The following GLRA3 variants were observed in gnomAD, a reference collection of about 807,000 sequenced individuals.
The protein encoded by GLRA3 is glycine receptor subunit alpha-3.
GLRA3 carries 44 observed loss-of-function variants against 60.4 expected under a neutral mutation model. The ratio of observed to expected loss-of-function variants is 0.73; its 90% CI spans 0.57 to 0.94. The LOEUF (loss-of-function observed/expected upper bound fraction) is 0.94. Among genes scored for constraint, GLRA3 ranks in the 40% least tolerant of loss-of-function variants. The pLI is 0.00. For synonymous variants in GLRA3, 223 were observed against 192.9 expected, an observed-to-expected ratio of 1.16 and a Z score of -1.29; for missense variants, 508 against 564.6, an observed-to-expected ratio of 0.90 and a Z score of 1.02.
intron 1 of GLRA3, among the ~76,000 whole-genome samples, chr4:174,797,840 C>T (rs1028183406): frequency 2.0e-5 from 3 of 151,866 alleles, no homozygotes; most frequent in Non-Finnish European, 2.9e-5. Flanking sequence ...AGGAGAATCA[C>T]CTGATCCCTG....
intron 3 of GLRA3, among the ~76,000 whole-genome samples, chr4:174,743,705 A>T (rs1737116529): frequency 6.6e-6 from 1 of 152,210 alleles, no homozygotes; most frequent in South Asian, 2.1e-4. Context: ...TATTTGCATG[A>T]TATTTTAGGT....
intron 1 of GLRA3, among the ~76,000 whole-genome samples, chr4:174,805,263 T>C (rs930712974): frequency 3.9e-5 from 6 of 152,182 alleles, no homozygotes; most frequent in South Asian, 4.1e-4. Flanking sequence ...CAAATTTTTT[T>C]GCACTCCTCT....
intron 1 of GLRA3, among the ~76,000 whole-genome samples, chr4:174,816,638 T>C (rs1740511125): frequency 4.6e-5 from 7 of 152,064 alleles, no homozygotes; most frequent in Admixed American, 4.6e-4. Context: ...TTTTTTTTTT[T>C]TCTTGGTCAT....
At chr4:174,752,667 C>T (rs113168972) in intron 3 of GLRA3, among the ~76,000 whole-genome samples, 1,838 of 152,110 alleles carry the variant, frequency 0.012, 32 homozygotes, top group African/African-American at 0.041. Context: ...TCTTCCTTAC[C>T]GTAGGAGGAA....
intron 5 of GLRA3, among the ~76,000 whole-genome samples, chr4:174,690,335 C>G (rs1326440703): frequency 6.6e-6 from 1 of 152,184 alleles, no homozygotes; most frequent in African/African-American, 2.4e-5. Flanking sequence ...AATTATGGCT[C>G]AATTCTGAGA....
chr4:174,704,902 C>A lies in GLRA3; in HGVS notation c.574+10586G>T, dbSNP rs547822434. Among the ~76,000 whole-genome samples, 4 of 142,208 alleles carry A rather than the reference C, an allele frequency of 2.8e-5. 1 individual carries two copies. In the East Asian group the frequency reaches 9.3e-4, roughly 33 times the overall value. 93.3% of individuals were successfully genotyped at this position (142,208 alleles called of 152,430 possible). On this transcript the variant is annotated intron_variant, in intron 5 of 9. Transcript: ENST00000274093. The stretch of plus-strand genomic sequence containing the variant: ...TTTAGAGTAGCTAAACTCATATAAG[C>A]AAAATGTGGAATGGTGGTTCTCAGT...
At chr4:174,727,987 A>G (rs1736388741) in intron 4 of GLRA3, among the ~76,000 whole-genome samples, 1 of 152,156 alleles carries the variant, frequency 6.6e-6, no homozygotes, top group African/African-American at 2.4e-5. Flanking sequence ...AGAAAGGATG[A>G]AACTTGAACA....
intron 4 of GLRA3, among the ~76,000 whole-genome samples, chr4:174,717,409 A>G (rs1197657510): frequency 6.6e-6 from 1 of 152,156 alleles, no homozygotes; most frequent in African/African-American, 2.4e-5. Flanking sequence ...AAAAAGAACT[A>G]TTTAAGCTTT....
chr4:174,692,283 C>T (rs1321861991), intron 5 of GLRA3, among the ~76,000 whole-genome samples: 9 of 142,498 alleles, frequency 6.3e-5, no homozygotes, highest in East Asian at 2.0e-4. Context: ...GTCAGCACCC[C>T]ACCCGGCCAG....
intron 5 of GLRA3, among the ~76,000 whole-genome samples, chr4:174,711,139 G>T (rs1735704192): frequency 6.6e-6 from 1 of 151,554 alleles, no homozygotes; most frequent in African/African-American, 2.4e-5. Flanking sequence ...ATTGTTATTG[G>T]TTTCTAATTT....
At chr4:174,693,172 C>T (rs1449423300) in intron 5 of GLRA3, among the ~76,000 whole-genome samples, 1 of 152,108 alleles carries the variant, frequency 6.6e-6, no homozygotes, top group Non-Finnish European at 1.5e-5. Context: ...TTAGATCCCA[C>T]TTGTTGATTT....
intron 3 of GLRA3, among the ~76,000 whole-genome samples, chr4:174,751,603 C>T (rs1737486326): frequency 1.3e-5 from 2 of 152,076 alleles, no homozygotes; most frequent in Admixed American, 6.6e-5. Flanking sequence ...AATCATGAAT[C>T]CCTTCCTCGT....
At chr4:174,676,942 G>T in intron 7 of GLRA3, 136 bp downstream of exon 7, 4 of 591,484 alleles carry the variant, frequency 6.8e-6, no homozygotes, top group South Asian at 2.3e-5. Context: ...TTTCTGCTTT[G>T]GTTATATATT....
At chr4:174,672,466 T>C (rs1299235537) in intron 7 of GLRA3, among the ~76,000 whole-genome samples, 1 of 152,136 alleles carries the variant, frequency 6.6e-6, no homozygotes, top group African/African-American at 2.4e-5. Flanking sequence ...GAGACTTGTA[T>C]AATTTGTGGA....
intron 3 of GLRA3, among the ~76,000 whole-genome samples, chr4:174,744,113 A>G (rs1737134250): frequency 6.6e-6 from 1 of 152,238 alleles, no homozygotes; most frequent in Non-Finnish European, 1.5e-5. Flanking sequence ...AGCCATCAAA[A>G]GTAGTTAGGC....
intron 1 of GLRA3, among the ~76,000 whole-genome samples, chr4:174,821,189 T>C (rs1269866917): frequency 6.6e-6 from 1 of 152,112 alleles, no homozygotes; most frequent in Non-Finnish European, 1.5e-5. Flanking sequence ...AATTATGATA[T>C]GACGTTAGTA....
At chr4:174,691,483 C>A (rs1028624204) in intron 5 of GLRA3, among the ~76,000 whole-genome samples, 1 of 152,222 alleles carries the variant, frequency 6.6e-6, no homozygotes, top group African/African-American at 2.4e-5. Flanking sequence ...TCACTGCAAC[C>A]TCCCTGCCTG....
chr4:174,679,269 G>A (rs1157411662), intron 6 of GLRA3, among the ~76,000 whole-genome samples: 3 of 151,940 alleles, frequency 2.0e-5, no homozygotes, highest in African/African-American at 7.2e-5. Context: ...TGCAGTAAGC[G>A]GAGATCTTGC....
intron 7 of GLRA3, among the ~76,000 whole-genome samples, chr4:174,676,122 T>G (rs2068077092): frequency 6.6e-6 from 1 of 152,182 alleles, no homozygotes; most frequent in Non-Finnish European, 1.5e-5. Context: ...GAAAATAATT[T>G]TCTATTTCTA....
Sources: allele counts gnomAD v4.1 joint callset (sites outside exome capture counted in the v4.1 genomes callset), GRCh38; gene constraint gnomAD v4.1.1; transcripts MANE v1.5; gene names NCBI Gene and HGNC (gene_info 2026-07-23, HGNC 2026-07-21).